The following CDH18 variants were observed in gnomAD, a reference collection of about 807,000 sequenced individuals.
CDH18 encodes the protein cadherin-18.
CDH18 carries 31 observed loss-of-function variants against 67.9 expected under a neutral mutation model. The observed-to-expected ratio is 0.46, with a 90% CI of 0.34 to 0.62. The LOEUF is 0.62. Among genes scored for constraint, CDH18 ranks in the 20% least tolerant of loss-of-function variants. The pLI, the probability that CDH18 is intolerant of heterozygous loss-of-function variation, is 0.01. For missense variants in CDH18, 890 were observed against 975.5 expected, an observed-to-expected ratio of 0.91 and a Z score of 1.17; for synonymous variants, 362 against 347.2, an observed-to-expected ratio of 1.04 and a Z score of -0.48.
At chr5:20,047,173 G>T (rs1171523986) in intron 2 of CDH18, among the ~76,000 whole-genome samples, 1 of 151,688 alleles carries the variant, frequency 6.6e-6, no homozygotes, top group African/African-American at 2.4e-5. Flanking sequence ...GACGAGGCAG[G>T]GGTTGGGCTT....
At chr5:19,538,516 A>T (rs1273050013) in intron 9 of CDH18, among the ~76,000 whole-genome samples, 1 of 152,172 alleles carries the variant, frequency 6.6e-6, no homozygotes, top group Non-Finnish European at 1.5e-5. Flanking sequence ...TCATAATGTC[A>T]TCTTTACATT....
chr5:20,554,747 A>T (rs944494129), intron 1 of CDH18, among the ~76,000 whole-genome samples: 7 of 152,176 alleles, frequency 4.6e-5, no homozygotes, highest in African/African-American at 1.7e-4. Context: ...TAGTGAGTGG[A>T]TGACTTCTGA....
intron 1 of CDH18, among the ~76,000 whole-genome samples, chr5:20,374,890 T>C (rs1359906527): frequency 6.6e-6 from 1 of 152,140 alleles, no homozygotes; most frequent in Non-Finnish European, 1.5e-5. Context: ...AATGTCAAAA[T>C]GGAGTAAACT....
At chr5:19,907,823 A>G (rs1420913989) in intron 2 of CDH18, among the ~76,000 whole-genome samples, 2 of 152,050 alleles carry the variant, frequency 1.3e-5, no homozygotes, top group African/African-American at 4.8e-5. Context: ...AAATTCAAAG[A>G]TTACTTTCTT....
At chr5:20,498,191 T>C (rs1375374814) in intron 1 of CDH18, among the ~76,000 whole-genome samples, 1 of 149,588 alleles carries the variant, frequency 6.7e-6, no homozygotes, top group African/African-American at 2.5e-5. Context: ...TAGTAACTAC[T>C]AACTTTATAG....
intron 2 of CDH18, among the ~76,000 whole-genome samples, chr5:20,138,071 T>C (rs778033674): frequency 2.6e-5 from 4 of 151,778 alleles, no homozygotes; most frequent in Non-Finnish European, 4.4e-5. Context: ...CTCAATAAAA[T>C]ACTGGCAAAC....
intron 1 of CDH18, among the ~76,000 whole-genome samples, chr5:20,348,139 C>G (rs537833199): frequency 2.6e-5 from 4 of 152,264 alleles, no homozygotes; most frequent in Admixed American, 6.5e-5. Context: ...TCTAGATCTT[C>G]TAGTAAATTT....
intron 2 of CDH18, among the ~76,000 whole-genome samples, chr5:19,975,508 G>C (rs1442413492): frequency 2.6e-5 from 4 of 152,118 alleles, no homozygotes; most frequent in African/African-American, 9.7e-5. Context: ...TCTAGGTTGA[G>C]CATTTAGAGC....
chr5:20,052,040 C>A (rs764031110), intron 2 of CDH18, among the ~76,000 whole-genome samples: 3 of 152,024 alleles, frequency 2.0e-5, no homozygotes, highest in Admixed American at 6.6e-5. Context: ...GTATAATGCA[C>A]ACAGTAATAA....
At chr5:19,767,147 C>T (rs1773200185) in intron 3 of CDH18, among the ~76,000 whole-genome samples, 1 of 151,792 alleles carries the variant, frequency 6.6e-6, no homozygotes, top group Admixed American at 6.6e-5. Context: ...GAAAACTTGG[C>T]TCAGTGGAAT....
intron 10 of CDH18, among the ~76,000 whole-genome samples, chr5:19,513,561 C>T (rs920318050): frequency 6.6e-6 from 1 of 152,040 alleles, no homozygotes; most frequent in Non-Finnish European, 1.5e-5. Flanking sequence ...ATTTCCATGT[C>T]ATTAAATTCA....
chr5:20,326,817 C>T (rs553685142), intron 1 of CDH18, among the ~76,000 whole-genome samples: 2 of 152,066 alleles, frequency 1.3e-5, no homozygotes, highest in Admixed American at 6.5e-5. Flanking sequence ...CTGGGATCAC[C>T]GGCTTGAGCC....
At chr5:20,533,530 G>A (rs1047913100) in intron 1 of CDH18, among the ~76,000 whole-genome samples, 4 of 152,090 alleles carry the variant, frequency 2.6e-5, no homozygotes, top group African/African-American at 9.7e-5. Context: ...AAAACGTGCT[G>A]ATTTTAGATG....
intron 7 of CDH18, among the ~76,000 whole-genome samples, chr5:19,590,507 T>TAGATAGAC (rs1334717705): frequency 2.0e-5 from 3 of 149,830 alleles, no homozygotes; most frequent in African/African-American, 7.3e-5. Flanking sequence ...GATAGATAGA[T>TAGATAGAC]AGACAGACAG....
At chr5:20,392,420 T>A (rs6883140) in intron 1 of CDH18, among the ~76,000 whole-genome samples, 23,313 of 151,834 alleles carry the variant, frequency 0.15, 2,255 homozygotes, top group East Asian at 0.28. Flanking sequence ...GGTCCCTATC[T>A]CTTAACTTCC....
intron 2 of CDH18, among the ~76,000 whole-genome samples, chr5:20,226,319 A>ATTT (rs1490437809): frequency 6.6e-6 from 1 of 152,136 alleles, no homozygotes; most frequent in African/African-American, 2.4e-5. Flanking sequence ...GTCATGAAAG[A>ATTT]GCCAAATTAT....
chr5:20,485,750 G>A (rs1478516404), intron 1 of CDH18, among the ~76,000 whole-genome samples: 1 of 152,068 alleles, frequency 6.6e-6, no homozygotes, highest in Non-Finnish European at 1.5e-5. Context: ...TATGCTTTCA[G>A]CGAGTAACCT....
chr5:19,757,095 G>A (rs1305791264), intron 3 of CDH18, among the ~76,000 whole-genome samples: 1 of 152,156 alleles, frequency 6.6e-6, no homozygotes, highest in Non-Finnish European at 1.5e-5. Context: ...ATTCCATGAG[G>A]ATAAGCCCAC....
chr5:20,262,813 T>A (rs1342084848), intron 1 of CDH18, among the ~76,000 whole-genome samples: 1 of 151,970 alleles, frequency 6.6e-6, no homozygotes, highest in Non-Finnish European at 1.5e-5. Flanking sequence ...AGTAATTAAT[T>A]GATTTGAGAA....
Sources: gnomAD v4.1 joint callset for allele counts (sites outside exome capture counted in the v4.1 genomes callset) on GRCh38, gnomAD v4.1.1 for gene constraint, MANE v1.5 for transcripts, NCBI Gene and HGNC (gene_info 2026-07-23, HGNC 2026-07-21) for gene names.